The following ZNF469 variants were observed in gnomAD, a reference collection of about 807,000 sequenced individuals.
ZNF469 encodes the protein zinc finger protein 469.
ZNF469 carries 1 observed loss-of-function variant against 1.0 expected under a neutral mutation model. The observed-to-expected ratio is 1.00, with a 90% CI of 0.35 to 4.73. The LOEUF is 4.73. Among genes scored for constraint, ZNF469 ranks in the 30% most tolerant of loss-of-function variants. The probability of loss-of-function intolerance (pLI) is 0.16; values close to 1 mark genes in which losing one functional copy is unlikely to be tolerated. For synonymous variants in ZNF469, 2,703 were observed against 2,363.4 expected, an observed-to-expected ratio of 1.14 and a Z score of -4.17; for missense variants, 6,100 against 5,356.3, an observed-to-expected ratio of 1.14 and a Z score of -4.33.
In ZNF469 at chr16:88,430,391, G is replaced by A. The variant is rs565851013; in HGVS notation, c.2921G>A (p.Arg974Lys). 2 of 1,518,318 alleles carry A rather than the reference G, an allele frequency of 1.3e-6. No homozygotes were observed. Among genetic ancestry groups the A allele is most frequent in the East Asian group, 2.5e-5 (1 of 40,368 alleles). The allele number at this position is 1,518,318 out of a possible 1,614,324, so 94.1% of individuals were successfully genotyped here. Residue 974 changes from arginine to lysine, a missense_variant, in exon 3 of 3, where the codon AGA becomes AAA. By Grantham distance (26) the Arg-to-Lys change is conservative (BLOSUM62 2). Coordinates refer to ENST00000565624, the MANE Select transcript of ZNF469 (RefSeq NM_001367624.2). Reference sequence around the variant, plus strand: ...GGGTCGGGGTCGGGCGGCGGCGGCAGAGCCTCCGGCCTGAGGCCCCGGAGG... The same window carrying A: ...GGGTCGGGGTCGGGCGGCGGCGGCAAAGCCTCCGGCCTGAGGCCCCGGAGG... ...AEGSGSGGGG[R>K]ASGLRPRRND...
chr16:88,106,907 G>A, the ZNF469 span, among the ~76,000 whole-genome samples: 3 of 152,268 alleles, frequency 2.0e-5, no homozygotes, highest in Non-Finnish European at 2.9e-5. Context: ...AGCCTCTCCA[G>A]GGTGATTTTC....
At chr16:88,152,911 C>T in the ZNF469 span, among the ~76,000 whole-genome samples, 1 of 152,162 alleles carries the variant, frequency 6.6e-6, no homozygotes, top group East Asian at 1.9e-4. This position sits in a 1 kb window ranked among gnomAD's most constrained non-coding sequence, Gnocchi z 4.2. Flanking sequence ...AAGTTTCTGT[C>T]AAGGGGATCA....
At chr16:88,173,027 A>C in the ZNF469 span, among the ~76,000 whole-genome samples, 45 of 152,386 alleles carry the variant, frequency 3.0e-4, no homozygotes, top group Middle Eastern at 3.4e-3. Context: ...GAAAGAGAAG[A>C]GAGGCAGGGA....
chr16:88,200,124 G>A, the ZNF469 span, among the ~76,000 whole-genome samples: 1 of 125,758 alleles, frequency 8.0e-6, no homozygotes, highest in Non-Finnish European at 1.8e-5. Flanking sequence ...GCCCGGCACG[G>A]CCGAAGAGAA....
chr16:88,210,798 A>C, the ZNF469 span, among the ~76,000 whole-genome samples: 1 of 152,324 alleles, frequency 6.6e-6, no homozygotes, highest in East Asian at 1.9e-4. Flanking sequence ...TATCGGTCCC[A>C]CACTTTTTTC....
At chr16:88,152,266 G>A in the ZNF469 span, among the ~76,000 whole-genome samples, 15 of 152,260 alleles carry the variant, frequency 9.9e-5, no homozygotes, top group African/African-American at 2.2e-4. The surrounding 1 kb of genome is among the most constrained non-coding windows in gnomAD (Gnocchi z 4.2). Flanking sequence ...GCCCTAACGC[G>A]TAACCCTCTG....
At chr16:88,276,253 T>C in the ZNF469 span, among the ~76,000 whole-genome samples, 1 of 151,780 alleles carries the variant, frequency 6.6e-6, no homozygotes, top group African/African-American at 2.4e-5. Context: ...TGTAAGCGAG[T>C]GTGCTAAAAC....
rs1273731497 is a variant in ZNF469, at chr16:88,436,692, C to T, written c.9222C>T (p.Ser3074=). 5.8e-6 allele frequency: 9 copies of T among 1,549,988 alleles called. No individual in the cohort carries two copies. Among genetic ancestry groups the T allele is most frequent in the Non-Finnish European group, 7.0e-6 (8 of 1,146,810 alleles). ...FEDPVGLPGP[S]FLDFEGTASS... Reference sequence around the variant, plus strand: ...ACCCCGTGGGTCTCCCCGGCCCCAGCTTCTTAGACTTCGAGGGCACGGCGA... The same window carrying T: ...ACCCCGTGGGTCTCCCCGGCCCCAGTTTCTTAGACTTCGAGGGCACGGCGA... The change falls in exon 3 of 3, where the codon AGC becomes AGT. Residue 3074 remains serine, a synonymous_variant. Transcript: ENST00000565624.
the ZNF469 span, among the ~76,000 whole-genome samples, chr16:88,153,614 G>T: frequency 6.6e-6 from 1 of 152,232 alleles, no homozygotes; most frequent in Admixed American, 6.5e-5. Context: ...GCTGACTGTG[G>T]ACTGCGGGAG....
chr16:88,279,842 GTGCCATGCTGACACT>G, the ZNF469 span, among the ~76,000 whole-genome samples: 7,045 of 143,578 alleles, frequency 0.049, 1,042 homozygotes, highest in South Asian at 0.071. Flanking sequence ...GGTTAGTGCT[GTGCCATGCTGACACT>G]CGGTCAGTAC....
chr16:88,385,640 C>G (rs1008092054), intron 1 of ZNF469, among the ~76,000 whole-genome samples: 23 of 89,228 alleles, frequency 2.6e-4, no homozygotes, highest in Middle Eastern at 4.6e-3. Context: ...GAGACTCTGT[C>G]TCAAAAAAAA....
At chr16:88,414,124 G>A (rs1905245817) in intron 1 of ZNF469, among the ~76,000 whole-genome samples, 1 of 152,182 alleles carries the variant, frequency 6.6e-6, no homozygotes. Context: ...CCTGCAGTGG[G>A]TCCACACCCT....
At chr16:88,307,905 T>C in the ZNF469 span, among the ~76,000 whole-genome samples, 4 of 152,238 alleles carry the variant, frequency 2.6e-5, no homozygotes, top group African/African-American at 9.6e-5. Context: ...TGAGAAATCA[T>C]AGCCTAACTC....
At chr16:88,115,483 C>A in the ZNF469 span, among the ~76,000 whole-genome samples, 5 of 152,024 alleles carry the variant, frequency 3.3e-5, no homozygotes, top group African/African-American at 4.8e-5. Flanking sequence ...TCCCCTCCCG[C>A]TTTCCCTCCT....
intron 1 of ZNF469, among the ~76,000 whole-genome samples, chr16:88,386,285 A>G (rs899022523): frequency 7.2e-5 from 11 of 152,060 alleles, no homozygotes; most frequent in African/African-American, 2.7e-4. Flanking sequence ...TCCAGGCCAC[A>G]GTCCAGCCCT....
the ZNF469 span, among the ~76,000 whole-genome samples, chr16:88,247,634 GTGAA>G: frequency 1.3e-5 from 2 of 151,166 alleles, no homozygotes; most frequent in Non-Finnish European, 2.9e-5. Flanking sequence ...ATGAGTGAGA[GTGAA>G]TGAGTGGATG....
chr16:88,223,404 T>C, the ZNF469 span, among the ~76,000 whole-genome samples: 4 of 152,226 alleles, frequency 2.6e-5, no homozygotes, highest in Non-Finnish European at 4.4e-5. Context: ...CCTCTTTTTC[T>C]TTATAAATGA....
At chr16:88,191,917 T>A in the ZNF469 span, among the ~76,000 whole-genome samples, 1 of 152,092 alleles carries the variant, frequency 6.6e-6, no homozygotes, top group Non-Finnish European at 1.5e-5. Context: ...CCTCTCAAAT[T>A]TGTATATTGA....
chr16:88,130,977 G>A, the ZNF469 span, among the ~76,000 whole-genome samples: 1 of 152,234 alleles, frequency 6.6e-6, no homozygotes, highest in African/African-American at 2.4e-5. Flanking sequence ...GCCGGGGACG[G>A]GGGTGCGAGG....
Sources: gnomAD v4.1 joint callset for allele counts (sites outside exome capture counted in the v4.1 genomes callset) on GRCh38, gnomAD v4.1.1 for gene constraint, Gnocchi (gnomAD v3.1) non-coding constraint, MANE v1.5 for transcripts, NCBI Gene and HGNC (gene_info 2026-07-23, HGNC 2026-07-21) for gene names.